The following SRGAP2 variants were observed in gnomAD, a reference collection of about 807,000 sequenced individuals.
SRGAP2 encodes the protein SLIT-ROBO Rho GTPase-activating protein 2.
In SRGAP2, 15 loss-of-function variants were observed where a neutral mutation model predicts 57.2. That is an observed-to-expected ratio of 0.26 (90% CI 0.18 to 0.40). The LOEUF is 0.40. Among genes scored for constraint, SRGAP2 ranks in the 10% least tolerant of loss-of-function variants. The probability of loss-of-function intolerance (pLI) is 1.00; values close to 1 mark genes in which losing one functional copy is unlikely to be tolerated. For synonymous variants in SRGAP2, 249 were observed against 248.0 expected, an observed-to-expected ratio of 1.00 and a Z score of -0.04; for missense variants, 520 against 669.6, an observed-to-expected ratio of 0.78 and a Z score of 2.47.
At chr1:206,368,996 A>G (rs1367446653) in intron 4 of SRGAP2, among the ~76,000 whole-genome samples, 1 of 152,040 alleles carries the variant, frequency 6.6e-6, no homozygotes, top group Non-Finnish European at 1.5e-5. Flanking sequence ...CTCTAGAGGA[A>G]GATACTGTGG....
chr1:206,396,037 C>CG (rs1401213658), intron 7 of SRGAP2, among the ~76,000 whole-genome samples: 1 of 143,778 alleles, frequency 7.0e-6, no homozygotes, highest in Non-Finnish European at 1.5e-5. Flanking sequence ...GGCTGGAGTA[C>CG]GGTGGTGCGA....
intron 14 of SRGAP2, among the ~76,000 whole-genome samples, chr1:206,436,556 G>T (rs1558431483): frequency 1.3e-5 from 2 of 151,664 alleles, no homozygotes; most frequent in Non-Finnish European, 2.9e-5. Flanking sequence ...GTCTCATGTT[G>T]CCCAGGCTGG....
At chr1:206,384,696 T>C (rs1473785699) in intron 5 of SRGAP2, among the ~76,000 whole-genome samples, 1 of 151,208 alleles carries the variant, frequency 6.6e-6, no homozygotes, top group Admixed American at 6.6e-5. Flanking sequence ...TTCAGGCACA[T>C]GATGCCTGTG....
chr1:206,460,908 T>G, intron 22 of SRGAP2, 129 bp from the exon 23 acceptor site: 3 of 526,290 alleles, frequency 5.7e-6, no homozygotes, highest in Non-Finnish European at 1.0e-5. Context: ...TTCAAAGATT[T>G]AGGCCAAGTA....
intron 13 of SRGAP2, among the ~76,000 whole-genome samples, chr1:206,425,964 A>G (rs782286168): frequency 1.1e-4 from 17 of 148,482 alleles, no homozygotes; most frequent in Non-Finnish European, 2.4e-4. Context: ...CTCCTGCCTC[A>G]GCCTCCCGAG....
chr1:206,387,245 C>G (rs575913828), intron 5 of SRGAP2, among the ~76,000 whole-genome samples: 2 of 151,030 alleles, frequency 1.3e-5, no homozygotes, highest in African/African-American at 2.5e-5. Flanking sequence ...CTAACTGTCC[C>G]TCTTTGCCTA....
At chr1:206,313,906 G>A (rs1672857384) in intron 3 of SRGAP2, among the ~76,000 whole-genome samples, 1 of 151,462 alleles carries the variant, frequency 6.6e-6, no homozygotes, top group Non-Finnish European at 1.5e-5. Flanking sequence ...TGTACTCCTA[G>A]AGCTTACAGT....
intron 3 of SRGAP2, among the ~76,000 whole-genome samples, chr1:206,314,629 G>A (rs201458143): frequency 2.0e-5 from 3 of 152,188 alleles, no homozygotes; most frequent in Non-Finnish European, 4.4e-5. Flanking sequence ...ATTTGCACAC[G>A]TGCACAGAGG....
At chr1:206,312,107 C>T (rs1553324352) in intron 3 of SRGAP2, 1 of 152,178 alleles carries the variant, frequency 6.6e-6, no homozygotes, top group Admixed American at 6.5e-5. Flanking sequence ...CACTCATCAC[C>T]TCCCCCGGAG....
intron 2 of SRGAP2, among the ~76,000 whole-genome samples, chr1:206,242,672 GCGTGCATCATCTC>G (rs1170086484): frequency 1.7e-5 from 2 of 119,616 alleles, no homozygotes; most frequent in African/African-American, 6.6e-5. Flanking sequence ...CTGCCTCTGA[GCGTGCATCATCTC>G]ACTGGTGAGG....
At position 206,213,354 on chromosome 1, in the gene SRGAP2, T is replaced by TTA. The variant is rs1279560615; in HGVS notation, c.67+7320_67+7321dup. On this transcript the variant is annotated intron_variant, in intron 2 of 22. Coordinates refer to ENST00000573034, the MANE Select transcript of SRGAP2 (RefSeq NM_015326.5). ...CTAGGTGATAGAGCTAATAATTATGTTATAGAAGAGGCATTAACTTCAAGA... is the reference window on the plus strand; with the variant it reads ...CTAGGTGATAGAGCTAATAATTATGTTATATAGAAGAGGCATTAACTTCAAGA... 3.3e-6 allele frequency: 3 copies of TTA among 900,726 alleles called. No homozygotes were observed. In the African/African-American group the frequency reaches 5.4e-5, roughly 16 times the overall value. 55.8% of individuals were successfully genotyped at this position (900,726 alleles called of 1,614,324 possible).
At chr1:206,272,946 C>T (rs1670212137) in intron 2 of SRGAP2, among the ~76,000 whole-genome samples, 2 of 152,040 alleles carry the variant, frequency 1.3e-5, no homozygotes, top group African/African-American at 4.8e-5. Context: ...AATAACATTT[C>T]CTGCTTTTTC....
At chr1:206,390,725 G>C (rs1217716463) in intron 5 of SRGAP2, among the ~76,000 whole-genome samples, 1 of 152,012 alleles carries the variant, frequency 6.6e-6, no homozygotes, top group Non-Finnish European at 1.5e-5. Context: ...TGGAAAGCTG[G>C]GGGTCTGTTT....
At chr1:206,440,433 A>G (rs1553371625) in intron 17 of SRGAP2, among the ~76,000 whole-genome samples, 3 of 152,164 alleles carry the variant, frequency 2.0e-5, no homozygotes, top group African/African-American at 7.2e-5. Context: ...CTGCCTGAGA[A>G]GACAGTGTAC....
intron 4 of SRGAP2, among the ~76,000 whole-genome samples, chr1:206,377,359 G>C (rs1571998758): frequency 6.6e-6 from 1 of 151,150 alleles, no homozygotes; most frequent in East Asian, 1.9e-4. Flanking sequence ...GAATGTGACT[G>C]CTTTGGGAGT....
chr1:206,419,306 G>A (rs1328760256), intron 11 of SRGAP2, 67 bp from the exon 12 acceptor site: 9 of 776,742 alleles, frequency 1.2e-5, no homozygotes, highest in Non-Finnish European at 2.2e-5. Flanking sequence ...TAGTTACTAG[G>A]AGTGGGTCTC....
chr1:206,313,628 G>C (rs1672834661), intron 3 of SRGAP2, among the ~76,000 whole-genome samples: 1 of 152,254 alleles, frequency 6.6e-6, no homozygotes, highest in Non-Finnish European at 1.5e-5. Flanking sequence ...CTTGACTCTT[G>C]ATTAGGGATT....
chr1:206,410,853 C>T (rs1420081429), intron 10 of SRGAP2, among the ~76,000 whole-genome samples: 1 of 152,130 alleles, frequency 6.6e-6, no homozygotes, highest in African/African-American at 2.4e-5. Flanking sequence ...CTGGCATTTT[C>T]CTAAGTATTT....
At chr1:206,451,590 G>A (rs1663310165) in intron 19 of SRGAP2, among the ~76,000 whole-genome samples, 1 of 152,024 alleles carries the variant, frequency 6.6e-6, no homozygotes, top group Non-Finnish European at 1.5e-5. Context: ...AAAAAAAATA[G>A]GACTGCTTAT....
Sources: gnomAD v4.1 joint callset for allele counts (sites outside exome capture counted in the v4.1 genomes callset) on GRCh38, gnomAD v4.1.1 for gene constraint, MANE v1.5 for transcripts, NCBI Gene and HGNC (gene_info 2026-07-23, HGNC 2026-07-21) for gene names.